The following SLC44A2 variants were observed in gnomAD, a reference collection of about 807,000 sequenced individuals.
SLC44A2 encodes the protein choline transporter-like protein 2.
Under a neutral mutation model 90.8 loss-of-function variants are expected in SLC44A2, and 57 were observed. The ratio of observed to expected loss-of-function variants is 0.63; its 90% CI spans 0.51 to 0.78. The LOEUF (loss-of-function observed/expected upper bound fraction) is 0.78, where lower values mean the gene tolerates loss of function less well. Among genes scored for constraint, SLC44A2 ranks in the 30% least tolerant of loss-of-function variants. The pLI is 0.00. For missense variants in SLC44A2, 794 were observed against 919.7 expected, an observed-to-expected ratio of 0.86 and a Z score of 1.77; for synonymous variants, 355 against 360.7, an observed-to-expected ratio of 0.98 and a Z score of 0.18.
intron 1 of SLC44A2, chr19:10,602,610 GA>G: frequency 8.0e-7 from 1 of 1,245,896 alleles, no homozygotes; most frequent in Non-Finnish European, 1.0e-6. Flanking sequence ...CTGCGGGTGG[GA>G]GGACCTTGAG....
At chr19:10,625,782 A>C in intron 1 of SLC44A2, 112 bp downstream of exon 1, 1 of 950,014 alleles carries the variant, frequency 1.1e-6, no homozygotes, top group East Asian at 3.3e-5. Context: ...CGCAATTGCA[A>C]ATCTGCGCCT....
intron 20 of SLC44A2, 24 bp from the exon 21 acceptor site, chr19:10,642,343 G>C: frequency 1.2e-6 from 2 of 1,610,176 alleles, no homozygotes; most frequent in Non-Finnish European, 1.7e-6. Context: ...ACGGAGCAGG[G>C]ACAGCTCGTT....
chr19:10,628,807 G>A (rs968502671), intron 4 of SLC44A2, among the ~76,000 whole-genome samples: 1 of 152,134 alleles, frequency 6.6e-6, no homozygotes, highest in African/African-American at 2.4e-5. Flanking sequence ...TAGGGCAGGT[G>A]TCTCAATCTC....
chr19:10,602,486 T>G, upstream of SLC44A2: 1 of 1,215,904 alleles, frequency 8.2e-7, no homozygotes, highest in Non-Finnish European at 1.0e-6. Flanking sequence ...CCGCCCGGGC[T>G]GGGGTCGCGC....
At position 10,611,965 on chromosome 19, in the gene SLC44A2, A is replaced by C. The variant is rs545005830; in HGVS notation, c.31+9404A>C. Among the ~76,000 whole-genome samples the C allele has an allele frequency of 3.6e-4, 55 of 152,296 alleles. No individual in the cohort carries two copies. In the South Asian group the frequency reaches 9.5e-3, roughly 26 times the overall value. ...TTTCCATGTGAAAGAATCTTCTACA[A>C]ATCTTTGGCTAGCTGTTTTCACCTC... On this transcript the variant is annotated intron_variant, in intron 1 of 21. Coordinates refer to the SLC44A2 transcript ENST00000407327.
chr19:10,633,549 G>A (rs1270615444), intron 10 of SLC44A2, among the ~76,000 whole-genome samples: 1 of 152,052 alleles, frequency 6.6e-6, no homozygotes, highest in Non-Finnish European at 1.5e-5. Flanking sequence ...TTGACCTCCT[G>A]GGCTCAAGTG....
chr19:10,630,091 C>T (rs1599246739), intron 4 of SLC44A2, among the ~76,000 whole-genome samples: 2 of 152,040 alleles, frequency 1.3e-5, no homozygotes, highest in East Asian at 2.0e-4. Flanking sequence ...AGGCCGGGCA[C>T]GGTGGCTCAC....
chr19:10,616,800 T>C (rs1289300472), intron 1 of SLC44A2, among the ~76,000 whole-genome samples: 2 of 152,066 alleles, frequency 1.3e-5, no homozygotes, highest in Non-Finnish European at 2.9e-5. Context: ...TGTAGTACAA[T>C]GGTGCTATCA....
intron 1 of SLC44A2, among the ~76,000 whole-genome samples, chr19:10,604,356 A>G (rs1343484555): frequency 6.6e-6 from 1 of 152,186 alleles, no homozygotes; most frequent in Admixed American, 6.5e-5. Flanking sequence ...ACTTAATTAC[A>G]TTTTGCCTTG....
intron 1 of SLC44A2, among the ~76,000 whole-genome samples, chr19:10,607,891 G>A (rs1440973783): frequency 5.4e-5 from 8 of 149,456 alleles, no homozygotes; most frequent in East Asian, 2.0e-4. Context: ...GACTACAGGC[G>A]CCCGCCACTG....
chr19:10,607,798 TGCAGTGG>T (rs1918155863), intron 1 of SLC44A2, among the ~76,000 whole-genome samples: 1 of 148,802 alleles, frequency 6.7e-6, no homozygotes. Context: ...CAGGCTGGAG[TGCAGTGG>T]CGTGATCTCG....
intron 1 of SLC44A2, among the ~76,000 whole-genome samples, chr19:10,614,970 CAA>C (rs74464361): frequency 1.6e-5 from 1 of 62,726 alleles, no homozygotes; most frequent in Non-Finnish European, 3.3e-5. Context: ...GACTCCGTCT[CAA>C]AAAAAAAAAA....
upstream of SLC44A2, among the ~76,000 whole-genome samples, chr19:10,621,834 C>T (rs1452041925): frequency 6.6e-6 from 1 of 152,202 alleles, no homozygotes; most frequent in Admixed American, 6.6e-5. Context: ...TCAGGCTGGT[C>T]TGGAACTCCC....
At chr19:10,615,039 G>GTTTT (rs909040686) in intron 1 of SLC44A2, among the ~76,000 whole-genome samples, 1 of 137,698 alleles carries the variant, frequency 7.3e-6, no homozygotes, top group African/African-American at 2.6e-5. Flanking sequence ...AAGTAATTGC[G>GTTTT]TTTTTTTTTT....
At chr19:10,608,052 G>A (rs1275996481) in intron 1 of SLC44A2, among the ~76,000 whole-genome samples, 1 of 151,364 alleles carries the variant, frequency 6.6e-6, no homozygotes, top group Non-Finnish European at 1.5e-5. Context: ...CAGCCACCCC[G>A]TTTCTACTAA....
At chr19:10,610,756 C>G (rs1918277393) in intron 1 of SLC44A2, among the ~76,000 whole-genome samples, 1 of 147,464 alleles carries the variant, frequency 6.8e-6, no homozygotes, top group East Asian at 2.1e-4. Context: ...TCTCTGGCCT[C>G]AGCCTCCCGA....
At chr19:10,632,547 A>G (rs1325559903) in intron 10 of SLC44A2, among the ~76,000 whole-genome samples, 1 of 151,964 alleles carries the variant, frequency 6.6e-6, no homozygotes, top group African/African-American at 2.4e-5. Context: ...AAAAAAAAAA[A>G]AAAAAGAAAA....
intron 1 of SLC44A2, among the ~76,000 whole-genome samples, chr19:10,619,154 G>C (rs1430641107): frequency 6.6e-6 from 1 of 151,414 alleles, no homozygotes; most frequent in African/African-American, 2.4e-5. Flanking sequence ...TTTTGGCCGG[G>C]CACAGTGGCT....
intron 1 of SLC44A2, among the ~76,000 whole-genome samples, chr19:10,604,714 G>C (rs970747828): frequency 1.3e-5 from 2 of 152,078 alleles, no homozygotes; most frequent in Non-Finnish European, 2.9e-5. Flanking sequence ...CACACTCACT[G>C]GTGGGGGAAG....
Sources: allele counts gnomAD v4.1 joint callset (sites outside exome capture counted in the v4.1 genomes callset), GRCh38; gene constraint gnomAD v4.1.1; transcripts MANE v1.5; gene names NCBI Gene and HGNC (gene_info 2026-07-23, HGNC 2026-07-21).